Variants in CCDC146 observed in about 807,000 individuals in gnomAD.
CCDC146 encodes coiled-coil domain-containing protein 146.
Under a neutral mutation model 119.3 loss-of-function variants are expected in CCDC146, and 92 were observed. The ratio of observed to expected loss-of-function variants is 0.77; its 90% CI spans 0.65 to 0.92. The LOEUF (loss-of-function observed/expected upper bound fraction) is 0.92. Among genes scored for constraint, CCDC146 ranks in the 40% least tolerant of loss-of-function variants. The probability of loss-of-function intolerance (pLI) is 0.00; values close to 1 mark genes in which losing one functional copy is unlikely to be tolerated. For missense variants in CCDC146, 1,000 were observed against 1,103.0 expected (o/e 0.91, Z 1.32); for synonymous variants, 372 against 371.8 (o/e 1.00, Z -0.01).
At chr7:77,177,962 A>T (rs1791524953) in intron 2 of CCDC146, among the ~76,000 whole-genome samples, 1 of 152,234 alleles carries the variant, frequency 6.6e-6, no homozygotes, top group Admixed American at 6.6e-5. Flanking sequence ...GTGGAAATTT[A>T]AAAACTTTTC....
At chr7:77,209,590 TGGG>T (rs1562833929) in intron 2 of CCDC146, among the ~76,000 whole-genome samples, 2 of 152,194 alleles carry the variant, frequency 1.3e-5, no homozygotes, top group Admixed American at 1.3e-4. Flanking sequence ...AGTGCTCCAG[TGGG>T]GACTCTGTGT....
intron 2 of CCDC146, among the ~76,000 whole-genome samples, chr7:77,191,627 G>A (rs1029517153): frequency 6.6e-6 from 1 of 152,108 alleles, no homozygotes; most frequent in East Asian, 1.9e-4. Context: ...AACTATTTAG[G>A]GCCTGGCGCA....
At chr7:77,272,181 T>C (rs1880907) in intron 9 of CCDC146, among the ~76,000 whole-genome samples, 14,095 of 152,284 alleles carry the variant, frequency 0.093, 1,210 homozygotes, top group East Asian at 0.42. Context: ...GTTCTCCCTT[T>C]TCTGATCTGC....
rs773167835 is a variant in CCDC146 at position 77,278,997 on chromosome 7, C to T, written c.1590C>T (p.Asn530=). 2.5e-6 allele frequency: 4 copies of T among 1,612,162 alleles called. No individual in the cohort carries two copies. The highest frequency in any genetic ancestry group is 2.5e-6 in the Non-Finnish European group (3 of 1,179,380). Residue 530 remains asparagine (N), a synonymous_variant, in exon 13 of 19, where the codon AAC becomes AAT. Transcript: ENST00000285871. The part of the protein sequence containing the change: ...TIRNERNKFV[N]LLHKAHQKVN... The stretch of plus-strand genomic sequence containing the variant: ...GAAATGAAAGAAACAAATTTGTTAA[C>T]TTACTCCACAAAGCTCATCAGAAAG...
chr7:77,155,617 A>T (rs1204735894), intron 1 of CCDC146, among the ~76,000 whole-genome samples: 6 of 152,164 alleles, frequency 3.9e-5, no homozygotes, highest in African/African-American at 1.4e-4. Context: ...ATACTCTCTG[A>T]TTGTCAATTT....
intron 2 of CCDC146, among the ~76,000 whole-genome samples, chr7:77,213,616 C>G (rs1392259927): frequency 6.6e-6 from 1 of 152,134 alleles, no homozygotes; most frequent in Admixed American, 6.5e-5. Flanking sequence ...TTTTTAAACC[C>G]TCACTGCCCT....
At chr7:77,259,946 G>A (rs1793258554) in intron 7 of CCDC146, 63 bp from the exon 8 acceptor site, 1 of 1,994 alleles carries the variant, frequency 5.0e-4, no homozygotes, top group Admixed American at 0.014. Flanking sequence ...GCAAGTGTGT[G>A]TGTGTGTGTG....
chr7:77,216,271 C>T (rs75785455), intron 2 of CCDC146, among the ~76,000 whole-genome samples: 1,557 of 152,138 alleles, frequency 0.01, 10 homozygotes, highest in Middle Eastern at 0.017. Flanking sequence ...AGCATTAATT[C>T]GACATAGTAT....
intron 2 of CCDC146, among the ~76,000 whole-genome samples, chr7:77,205,630 A>C (rs1277988879): frequency 6.6e-6 from 1 of 152,152 alleles, no homozygotes; most frequent in Non-Finnish European, 1.5e-5. Context: ...ATGATGGTGC[A>C]CACCTGTGGT....
At chr7:77,154,423 A>G (rs10260258) in intron 1 of CCDC146, among the ~76,000 whole-genome samples, 1 of 151,830 alleles carries the variant, frequency 6.6e-6, no homozygotes, top group Non-Finnish European at 1.5e-5. Flanking sequence ...CATCATTTAC[A>G]TTAGGTATAT....
Position 77,199,855 on chromosome 7 carries a change from A to G in CCDC146, c.156+32031A>G, listed in dbSNP as rs556376249. On this transcript the variant is annotated intron_variant, in intron 2 of 18. Coordinates refer to ENST00000285871, the MANE Select transcript of CCDC146 (RefSeq NM_020879.3). ...GGGCTGGAGCTGCTTTAATAGCGGC[A>G]GCTGCCTGAGTCAGGCTTTCTGTGT... is the stretch of plus-strand genomic sequence containing the variant. The G allele has an allele frequency of 2.5e-4, 387 of 1,541,420 alleles. No homozygotes were observed. In the African/African-American group the frequency reaches 3.3e-3, roughly 13 times the overall value.
chr7:77,253,136 A>G (rs1793108826), intron 4 of CCDC146, among the ~76,000 whole-genome samples: 3 of 152,234 alleles, frequency 2.0e-5, no homozygotes, highest in Admixed American at 2.0e-4. Flanking sequence ...CACAATTTTA[A>G]TAGCTTGTAG....
intron 15 of CCDC146, 38 bp downstream of exon 15, chr7:77,282,823 T>G (rs1226867896): frequency 7.0e-7 from 1 of 1,428,822 alleles, no homozygotes. Flanking sequence ...TCAGACCATT[T>G]ATTTTTTTCT....
At chr7:77,128,741 G>A (rs1433252821) in intron 1 of CCDC146, among the ~76,000 whole-genome samples, 1 of 152,108 alleles carries the variant, frequency 6.6e-6, no homozygotes, top group East Asian at 1.9e-4. Flanking sequence ...GAATAAAAGA[G>A]AACACTGTCT....
intron 15 of CCDC146, among the ~76,000 whole-genome samples, chr7:77,283,296 GC>G (rs1793794523): frequency 6.6e-6 from 1 of 152,070 alleles, no homozygotes; most frequent in South Asian, 2.1e-4. Context: ...CTTTGACATG[GC>G]CTTTTTTAAA....
At chr7:77,255,036 G>A (rs551039440) in intron 5 of CCDC146, among the ~76,000 whole-genome samples, 3 of 152,256 alleles carry the variant, frequency 2.0e-5, no homozygotes, top group South Asian at 2.1e-4. Flanking sequence ...TGAGCTGGCC[G>A]AATTGGGGCT....
intron 4 of CCDC146, among the ~76,000 whole-genome samples, chr7:77,242,676 G>A (rs1479430111): frequency 2.0e-5 from 3 of 152,188 alleles, no homozygotes; most frequent in Non-Finnish European, 4.4e-5. Context: ...CTGGGTACAG[G>A]AGAGAAAGCA....
chr7:77,185,847 A>G (rs995439534), intron 2 of CCDC146, among the ~76,000 whole-genome samples: 1 of 152,230 alleles, frequency 6.6e-6, no homozygotes, highest in Non-Finnish European at 1.5e-5. Context: ...GATGACACAG[A>G]GATGGAACTT....
chr7:77,210,533 T>A (rs993280451), intron 2 of CCDC146, among the ~76,000 whole-genome samples: 1 of 152,220 alleles, frequency 6.6e-6, no homozygotes, highest in Admixed American at 6.5e-5. Context: ...CCTATCTTCT[T>A]CTAAACCCTC....
Sources: gnomAD v4.1 joint callset for allele counts (sites outside exome capture counted in the v4.1 genomes callset) on GRCh38, gnomAD v4.1.1 for gene constraint, MANE v1.5 for transcripts, NCBI Gene and HGNC (gene_info 2026-07-23, HGNC 2026-07-21) for gene names.